SAXO2: variants seen among roughly 807,000 people sequenced by gnomAD.
SAXO2 encodes the protein stabilizer of axonemal microtubules 2.
A neutral mutation model predicts 18.7 loss-of-function variants in SAXO2; 17 were observed. The ratio of observed to expected loss-of-function variants is 0.91; its 90% CI spans 0.62 to 1.36. The LOEUF (loss-of-function observed/expected upper bound fraction) is 1.36. Among genes scored for constraint, SAXO2 ranks in the 40% most tolerant of loss-of-function variants. The probability of loss-of-function intolerance (pLI) is 0.00; values close to 1 mark genes in which losing one functional copy is unlikely to be tolerated. For missense variants in SAXO2, 486 were observed against 562.6 expected (o/e 0.86, Z 1.38); for synonymous variants, 163 against 181.2 (o/e 0.90, Z 0.81).
intron 2 of SAXO2, among the ~76,000 whole-genome samples, chr15:82,270,629 T>G (rs1007960408): frequency 3.3e-5 from 5 of 152,312 alleles, no homozygotes; most frequent in African/African-American, 1.2e-4. Flanking sequence ...CAAGATAGTT[T>G]AATCACAAAA....
chr15:82,271,793 A>C lies in SAXO2; in HGVS notation c.424A>C (p.Thr142Pro), dbSNP rs758618207. ...AAAAGGAAAATTGGACACTGTCCCA[A>C]CCTATAAAGGTAACTTGCTGTTTCA... The part of the protein sequence containing the change: ...VKKGKLDTVP[T>P]YKDDYRAWDL... The change falls in exon 3 of 4, where the codon ACC (threonine) becomes CCC (proline). Residue 142 changes from threonine (T) to proline (P), a missense_variant. Thr to Pro is a conservative substitution (Grantham distance 38, BLOSUM62 -1). Transcript: ENST00000682753. 5 of 1,613,198 alleles carry C rather than the reference A, an allele frequency of 3.1e-6. No individual in the cohort carries two copies. In the East Asian group the frequency reaches 1.1e-4, roughly 36 times the overall value.
chr15:82,268,428 A>G (rs2075239642), intron 2 of SAXO2, among the ~76,000 whole-genome samples: 2 of 152,244 alleles, frequency 1.3e-5, no homozygotes, highest in South Asian at 4.1e-4. Flanking sequence ...ATGCCAGTAA[A>G]ACTAAAATAT....
At chr15:82,274,861 A>C (rs1329060882) in intron 3 of SAXO2, among the ~76,000 whole-genome samples, 1 of 152,030 alleles carries the variant, frequency 6.6e-6, no homozygotes, top group East Asian at 1.9e-4. Context: ...CTAACATTGC[A>C]ACCAAAAGTA....
intron 3 of SAXO2, among the ~76,000 whole-genome samples, chr15:82,278,253 A>C (rs2075332858): frequency 6.6e-6 from 1 of 152,208 alleles, no homozygotes; most frequent in Non-Finnish European, 1.5e-5. Flanking sequence ...CTACTACATC[A>C]AGTGAAAGGG....
chr15:82,263,740 T>G (rs970716624), intron 1 of SAXO2, among the ~76,000 whole-genome samples: 2 of 152,192 alleles, frequency 1.3e-5, no homozygotes, highest in South Asian at 2.1e-4. Context: ...ATCCTCAGAC[T>G]GGTGTGCAGG....
chr15:82,282,913 G>A lies in SAXO2; in HGVS notation c.1228G>A (p.Val410Ile), dbSNP rs1469664733. The A allele has an allele frequency of 6.2e-7, 1 of 1,614,064 alleles. No homozygotes were observed. Among genetic ancestry groups the A allele is most frequent in the South Asian group, 1.1e-5 (1 of 91,064 alleles). ...TAAGAGTTCTGTTCCATTTGATGAT[G>A]TAACCATGTACTCTGTAGAGTACAC... is the stretch of plus-strand genomic sequence containing the variant. ...AFKSSVPFDD[V>I]TMYSVEYTPK... The change falls in exon 4 of 4, where the codon GTA becomes ATA. Residue 410 changes from valine (V) to isoleucine (I), a missense_variant. Transcript: ENST00000682753.
intron 3 of SAXO2, among the ~76,000 whole-genome samples, chr15:82,275,936 A>G (rs926414391): frequency 1.3e-5 from 2 of 152,110 alleles, no homozygotes; most frequent in African/African-American, 4.8e-5. Context: ...AAGGCATCCA[A>G]ATAGGAAAAA....
chr15:82,278,872 A>G (rs2075338749), intron 3 of SAXO2, among the ~76,000 whole-genome samples: 1 of 152,240 alleles, frequency 6.6e-6, no homozygotes, highest in Non-Finnish European at 1.5e-5. Flanking sequence ...AAATGAAAAT[A>G]TAGTACATCA....
At chr15:82,264,067 G>GTTTTTTTTTTTTTTTTTTTTTTGTTTTT (rs1567086394) in intron 1 of SAXO2, among the ~76,000 whole-genome samples, 1 of 134,132 alleles carries the variant, frequency 7.5e-6, no homozygotes, top group Admixed American at 7.4e-5. Flanking sequence ...CATATGCATT[G>GTTTTTTTTTTTTTTTTTTTTTTGTTTTT]ATTTTTTTTT....
At chr15:82,280,237 C>G (rs2075351674) in intron 3 of SAXO2, among the ~76,000 whole-genome samples, 1 of 152,014 alleles carries the variant, frequency 6.6e-6, no homozygotes, top group South Asian at 2.1e-4. Context: ...GCTATCACAT[C>G]CATCTCTCAG....
In SAXO2 at chr15:82,284,709, C is replaced by T. The variant is rs1319244558; in HGVS notation, c.*1647C>T. 2 of 152,050 alleles carry T rather than the reference C, an allele frequency of 1.3e-5. No individual in the cohort carries two copies. Among genetic ancestry groups the T allele is most frequent in the African/African-American group, 4.8e-5 (2 of 41,382 alleles). 9.4% of individuals were successfully genotyped at this position (152,050 alleles called of 1,614,324 possible). A position where few individuals can be genotyped will look rare whatever the true frequency, so the allele number is the denominator to read the frequency against. On this transcript the variant is annotated 3_prime_UTR_variant, in exon 4 of 4. Coordinates refer to ENST00000682753, the MANE Select transcript of SAXO2 (RefSeq NM_001348699.2). The stretch of plus-strand genomic sequence containing the variant: ...TTTTTTTAAAAAAATTAAATAATTG[C>T]ATTATGGGAGAATATGATTTATTTT...
intron 3 of SAXO2, among the ~76,000 whole-genome samples, chr15:82,273,986 T>G (rs1419116071): frequency 1.3e-5 from 2 of 152,042 alleles, no homozygotes; most frequent in African/African-American, 4.8e-5. Context: ...TTCGCCCGCC[T>G]TGTCCTCCCA....
At chr15:82,279,924 G>T (rs746771764) in intron 3 of SAXO2, among the ~76,000 whole-genome samples, 5 of 152,174 alleles carry the variant, frequency 3.3e-5, no homozygotes, top group Non-Finnish European at 5.9e-5. Flanking sequence ...TTTCTAACCA[G>T]ATTTTAGTGG....
Position 82,282,862 on chromosome 15 carries a change from A to G in SAXO2, c.1177A>G (p.Ser393Gly). The change falls in exon 4 of 4, where the codon AGT becomes GGT. Residue 393 changes from serine to glycine, a missense_variant. Physicochemically the swap from Ser to Gly is moderately conservative, Grantham distance 56. Coordinates refer to ENST00000682753, the MANE Select transcript of SAXO2 (RefSeq NM_001348699.2). The stretch of plus-strand genomic sequence containing the variant: ...GCCACATGAATTGATCCCAACAGAG[A>G]GTTGCAAACCTTTAAATATTGCTTT... ...YVPHELIPTE[S>G]CKPLNIAFKS... The G allele has an allele frequency of 6.2e-7, 1 of 1,613,868 alleles. No individual in the cohort carries two copies. The highest frequency in any genetic ancestry group is 8.5e-7 in the Non-Finnish European group (1 of 1,179,864).
chr15:82,267,727 T>C (rs2075233032), intron 2 of SAXO2, among the ~76,000 whole-genome samples: 1 of 152,208 alleles, frequency 6.6e-6, no homozygotes, highest in African/African-American at 2.4e-5. Flanking sequence ...TAATAATATT[T>C]TGGTGACTCT....
In SAXO2 at chr15:82,284,895, T is replaced by G. The variant is rs1023021221; in HGVS notation, c.*1833T>G. The G allele has an allele frequency of 6.6e-6, 1 of 152,226 alleles. No individual in the cohort carries two copies. The highest frequency in any genetic ancestry group is 2.4e-5 in the African/African-American group (1 of 41,460). 9.4% of individuals were successfully genotyped at this position (152,226 alleles called of 1,614,324 possible). A position where few individuals can be genotyped will look rare whatever the true frequency, so the allele number is the denominator to read the frequency against. On this transcript the variant is annotated 3_prime_UTR_variant, in exon 4 of 4. Transcript: ENST00000682753. ...GAAACTATATTTCCATGCAACATAA[T>G]AAAATCAATAAAAGGAATGGATTTT...
Position 82,282,997 on chromosome 15 carries a change from G to C in SAXO2, c.1312G>C (p.Asp438His), listed in dbSNP as rs536429866. Residue 438 changes from aspartate to histidine, a missense_variant, in exon 4 of 4, where the codon GAC (aspartate) becomes CAC (histidine). Transcript: ENST00000682753. ...SYPSPPGYIF[D>H]NTNSQGHKFF... ...TCCCTCTCCTCCAGGTTATATTTTC[G>C]ACAATACAAATTCCCAAGGTCATAA... 3 of 1,613,756 alleles carry C rather than the reference G, an allele frequency of 1.9e-6. No individual in the cohort carries two copies. In the South Asian group the frequency reaches 3.3e-5, roughly 18 times the overall value.
chr15:82,273,023 A>T (rs2075286392), intron 3 of SAXO2, among the ~76,000 whole-genome samples: 1 of 151,144 alleles, frequency 6.6e-6, no homozygotes, highest in African/African-American at 2.4e-5. Context: ...CTCCTGTCTC[A>T]GCCTCCTGAG....
At chr15:82,268,726 A>T (rs1222537119) in intron 2 of SAXO2, among the ~76,000 whole-genome samples, 2 of 152,240 alleles carry the variant, frequency 1.3e-5, no homozygotes, top group African/African-American at 4.8e-5. Flanking sequence ...TAGCTCACTT[A>T]GATGACTGCC....
Sources: gnomAD v4.1 joint callset for allele counts (sites outside exome capture counted in the v4.1 genomes callset) on GRCh38, gnomAD v4.1.1 for gene constraint, MANE v1.5 for transcripts, NCBI Gene and HGNC (gene_info 2026-07-23, HGNC 2026-07-21) for gene names.